The following DNAJC9 variants were observed in gnomAD, a reference collection of about 807,000 sequenced individuals.
DNAJC9 encodes the protein dnaJ homolog subfamily C member 9.
DNAJC9 carries 18 observed loss-of-function variants against 32.4 expected under a neutral mutation model. That is an observed-to-expected ratio of 0.56 (90% CI 0.38 to 0.82). DNAJC9 has a LOEUF of 0.82. DNAJC9 is among the 40% of genes least tolerant of loss of function. DNAJC9 has a pLI of 0.00. For missense variants in DNAJC9, 310 were observed against 321.8 expected (o/e 0.96, Z 0.28); for synonymous variants, 113 against 122.1 (o/e 0.93, Z 0.49).
downstream of DNAJC9, among the ~76,000 whole-genome samples, chr10:73,238,224 G>A (rs971796213): frequency 6.6e-6 from 1 of 152,136 alleles, no homozygotes; most frequent in Non-Finnish European, 1.5e-5. Context: ...GTGCATGCCT[G>A]TAATCCCAGC....
intron 4 of DNAJC9, 87 bp downstream of exon 4, chr10:73,243,756 G>T: frequency 7.5e-7 from 1 of 1,337,260 alleles, no homozygotes; most frequent in Non-Finnish European, 1.0e-6. Context: ...TGTCTTAAAA[G>T]AAGAAAACAA....
intron 3 of DNAJC9, 67 bp downstream of exon 3, chr10:73,245,855 C>T: frequency 6.4e-7 from 1 of 1,570,798 alleles, no homozygotes; most frequent in South Asian, 1.2e-5. Flanking sequence ...ACTTCTACTG[C>T]TGTAAATACT....
rs765457247 is a variant in DNAJC9, at chr10:73,246,018, C to G, written c.480G>C (p.Arg160Ser). The G allele has an allele frequency of 6.2e-6, 10 of 1,613,598 alleles. No individual in the cohort carries two copies. In the African/African-American group the frequency reaches 1.1e-4, roughly 17 times the overall value. The change falls in exon 3 of 5, where the codon AGG (arginine) becomes AGC (serine). Residue 160 changes from arginine to serine, a missense_variant. Physicochemically the swap from Arg to Ser is moderately radical, Grantham distance 110. Transcript: ENST00000372950. ...CVQYTEEPRI[R>S]NIIQQAIDAG... Reference sequence around the variant, plus strand: ...CGTCAATAGCTTGCTGAATGATATTCCTTATCCTGGGTTCCTCTGTGTACT... The same window carrying G: ...CGTCAATAGCTTGCTGAATGATATTGCTTATCCTGGGTTCCTCTGTGTACT...
intron 3 of DNAJC9, 44 bp downstream of exon 3, chr10:73,245,878 T>C (rs773006064): frequency 1.1e-5 from 17 of 1,597,974 alleles, no homozygotes; most frequent in Non-Finnish European, 1.4e-5. Context: ...CAAATCCTTT[T>C]TGGAAGCAGT....
intron 2 of DNAJC9, among the ~76,000 whole-genome samples, chr10:73,233,385 G>C (rs1015381652): frequency 1.3e-5 from 2 of 152,082 alleles, no homozygotes; most frequent in Non-Finnish European, 2.9e-5. Context: ...CTGTCGCCCA[G>C]GCTGGAGTGC....
downstream of DNAJC9, chr10:73,239,298 C>T: frequency 6.5e-7 from 1 of 1,550,176 alleles, no homozygotes; most frequent in Non-Finnish European, 8.7e-7. Flanking sequence ...AGTGTCTCCT[C>T]TTTTGTCTTG....
downstream of DNAJC9, among the ~76,000 whole-genome samples, chr10:73,238,591 A>G (rs926763602): frequency 6.6e-6 from 1 of 152,242 alleles, no homozygotes; most frequent in African/African-American, 2.4e-5. Flanking sequence ...CAACCACCCT[A>G]TGGTCCACAA....
chr10:73,236,163 T>TC (rs2043816074), downstream of DNAJC9, among the ~76,000 whole-genome samples: 1 of 152,188 alleles, frequency 6.6e-6, no homozygotes, highest in Admixed American at 6.5e-5. Context: ...GTGGTAAGGA[T>TC]AATCAATATC....
At chr10:73,237,449 C>T (rs1408923599), downstream of DNAJC9, among the ~76,000 whole-genome samples, 1 of 151,648 alleles carries the variant, frequency 6.6e-6, no homozygotes, top group Non-Finnish European at 1.5e-5. Context: ...CGGAGTCTTA[C>T]TCTGTCGCCC....
At chr10:73,245,195 A>G (rs569816881) in intron 3 of DNAJC9, among the ~76,000 whole-genome samples, 5 of 152,278 alleles carry the variant, frequency 3.3e-5, no homozygotes, top group Non-Finnish European at 7.3e-5. Context: ...ACCGGAAACA[A>G]AAAGGTCAGC....
At chr10:73,235,836 G>A (rs1397601071), downstream of DNAJC9, among the ~76,000 whole-genome samples, 1 of 152,008 alleles carries the variant, frequency 6.6e-6, no homozygotes, top group Non-Finnish European at 1.5e-5. Context: ...CCCAGCTTAG[G>A]ACTTTTTCTT....
At chr10:73,245,347 C>T (rs1359239819) in intron 3 of DNAJC9, among the ~76,000 whole-genome samples, 1 of 144,618 alleles carries the variant, frequency 6.9e-6, no homozygotes, top group East Asian at 2.1e-4. Flanking sequence ...CTGAACCACC[C>T]CCCCAACTCT....
downstream of DNAJC9, chr10:73,234,852 C>T (rs766353650): frequency 1.8e-5 from 28 of 1,551,512 alleles, no homozygotes; most frequent in African/African-American, 1.2e-4. Context: ...TCTCCCTCAC[C>T]GACGCCCCTG....
downstream of DNAJC9, chr10:73,241,898 GCTTT>G (rs1437996298): frequency 6.6e-6 from 1 of 152,170 alleles, no homozygotes. Context: ...GAGAGGTTCA[GCTTT>G]CTGATTTTAC....
intron 2 of DNAJC9, 41 bp from the exon 3 acceptor site, chr10:73,246,217 C>T: frequency 6.3e-7 from 1 of 1,581,170 alleles, no homozygotes; most frequent in African/African-American, 1.4e-5. Flanking sequence ...GGGAATTTTA[C>T]TTTAAATAAA....
At chr10:73,234,417 TA>T (rs1251376271), downstream of DNAJC9, 2 of 185,322 alleles carry the variant, frequency 1.1e-5, no homozygotes, top group African/African-American at 4.7e-5. Context: ...AATGAAGGTT[TA>T]GGAACTTTAC....
At chr10:73,246,913 C>A in intron 1 of DNAJC9, 85 bp from the exon 2 acceptor site, 1 of 1,595,658 alleles carries the variant, frequency 6.3e-7, no homozygotes, top group East Asian at 2.2e-5. Flanking sequence ...AGGCGCCAAG[C>A]GGAGCTCAGC....
intron 3 of DNAJC9, chr10:73,244,583 C>T (rs759444764): frequency 6.6e-6 from 1 of 151,740 alleles, no homozygotes; most frequent in African/African-American, 2.4e-5. Flanking sequence ...ACCCAATTTA[C>T]TCCATGGGAC....
chr10:73,242,141 A>G lies in DNAJC9; in HGVS notation c.*1259T>C, dbSNP rs534244984. The G allele has an allele frequency of 6.6e-6, 1 of 152,324 alleles. No individual in the cohort carries two copies. The highest frequency in any genetic ancestry group is 2.4e-5 in the African/African-American group (1 of 41,580). The allele number at this position is 152,324 out of a possible 1,614,324, so 9.4% of individuals were successfully genotyped here. On this transcript the variant is annotated 3_prime_UTR_variant, in exon 5 of 5. Transcript: ENST00000372950. ...ACAGATGCTTCAAACAACCTGCATT[A>G]AATTATATTTTTAATAAAATTAAAA...
Sources: allele counts gnomAD v4.1 joint callset (sites outside exome capture counted in the v4.1 genomes callset), GRCh38; gene constraint gnomAD v4.1.1; transcripts MANE v1.5; gene names NCBI Gene and HGNC (gene_info 2026-07-23, HGNC 2026-07-21).